KCNQ3: variants seen among roughly 807,000 people sequenced by gnomAD.
KCNQ3 encodes potassium voltage-gated channel subfamily KQT member 3.
KCNQ3 carries 30 observed loss-of-function variants against 92.5 expected under a neutral mutation model. The ratio of observed to expected loss-of-function variants is 0.32; its 90% CI spans 0.24 to 0.44. KCNQ3 has a LOEUF of 0.44. KCNQ3 is among the 20% of genes least tolerant of loss of function. KCNQ3 has a pLI of 1.00. For missense variants in KCNQ3, 913 were observed against 1,140.3 expected, an observed-to-expected ratio of 0.80 and a Z score of 2.87; for synonymous variants, 450 against 468.8, an observed-to-expected ratio of 0.96 and a Z score of 0.52.
chr8:132,311,969 G>T (rs2130613617), intron 1 of KCNQ3, among the ~76,000 whole-genome samples: 1 of 116,552 alleles, frequency 8.6e-6, no homozygotes, highest in South Asian at 2.8e-4. Context: ...AACAGAAGAG[G>T]AGAGGAGACA....
intron 1 of KCNQ3, among the ~76,000 whole-genome samples, chr8:132,380,471 C>T (rs1295406509): frequency 6.6e-6 from 1 of 152,182 alleles, no homozygotes; most frequent in Non-Finnish European, 1.5e-5. Flanking sequence ...AATTATCATG[C>T]AAAACAGCCC....
chr8:132,464,054 G>A (rs557656125), intron 1 of KCNQ3, among the ~76,000 whole-genome samples: 16 of 152,194 alleles, frequency 1.1e-4, no homozygotes, highest in African/African-American at 3.6e-4. Flanking sequence ...GTGTGGTGGC[G>A]GGCGCCTGTA....
intron 1 of KCNQ3, among the ~76,000 whole-genome samples, chr8:132,291,135 G>A (rs1311493451): frequency 6.6e-6 from 1 of 152,124 alleles, no homozygotes; most frequent in African/African-American, 2.4e-5. Context: ...GGGAGGAAAG[G>A]GAGACAGCAA....
intron 1 of KCNQ3, chr8:132,278,334 G>A: frequency 2.3e-6 from 1 of 430,424 alleles, no homozygotes; most frequent in Non-Finnish European, 3.1e-6. Flanking sequence ...TGAAAAGAAA[G>A]AAACAAGATT....
chr8:132,413,503 C>G (rs1005069428), intron 1 of KCNQ3, among the ~76,000 whole-genome samples: 1 of 152,204 alleles, frequency 6.6e-6, no homozygotes, highest in Admixed American at 6.5e-5. Context: ...AGCACACACA[C>G]CACTTTGAGT....
intron 1 of KCNQ3, among the ~76,000 whole-genome samples, chr8:132,329,030 T>C (rs1818150704): frequency 1.3e-5 from 2 of 152,184 alleles, no homozygotes; most frequent in Admixed American, 6.5e-5. Context: ...GCCTACTAAG[T>C]GCCAGGCATT....
intron 1 of KCNQ3, among the ~76,000 whole-genome samples, chr8:132,440,884 T>C (rs1821519796): frequency 1.3e-5 from 2 of 152,180 alleles, no homozygotes; most frequent in Admixed American, 6.5e-5. Flanking sequence ...TCAGGGACCA[T>C]GAGTGACCTT....
intron 1 of KCNQ3, among the ~76,000 whole-genome samples, chr8:132,296,586 G>C (rs1157112704): frequency 4.7e-5 from 7 of 148,476 alleles, no homozygotes; most frequent in African/African-American, 7.5e-5. Context: ...TCCCCTTCCT[G>C]TGTCCATGTG....
Position 132,325,332 on chromosome 8 carries a change from G to A in KCNQ3, c.387-139151C>T, listed in dbSNP as rs762121713. On this transcript the variant is annotated intron_variant, in intron 1 of 14. Coordinates refer to ENST00000388996, the MANE Select transcript of KCNQ3 (RefSeq NM_004519.4). ...CCGTCCAGGGTCTAATATAGGCTTG[G>A]GGCATTTGTCAAGACCTTTCCATTT... Among the ~76,000 whole-genome samples, 9 of 152,214 alleles carry A rather than the reference G, an allele frequency of 5.9e-5. No individual in the cohort carries two copies. The South Asian group carries it at 8.3e-4, about 14-fold the overall frequency.
At chr8:132,221,088 T>C (rs892444353) in intron 1 of KCNQ3, among the ~76,000 whole-genome samples, 13 of 152,320 alleles carry the variant, frequency 8.5e-5, no homozygotes, top group African/African-American at 2.9e-4. Context: ...GTCCTTGTGA[T>C]AGTTTGCTCA....
At chr8:132,169,184 T>C (rs1412485924) in intron 8 of KCNQ3, among the ~76,000 whole-genome samples, 1 of 152,158 alleles carries the variant, frequency 6.6e-6, no homozygotes. Context: ...GTGTGGACTC[T>C]GGGCCACTGG....
intron 1 of KCNQ3, among the ~76,000 whole-genome samples, chr8:132,444,325 C>T (rs1331014155): frequency 6.6e-6 from 1 of 152,194 alleles, no homozygotes; most frequent in Non-Finnish European, 1.5e-5. Flanking sequence ...TCTGTTTCTG[C>T]ACTTTGAGTT....
chr8:132,197,804 G>A (rs1372604351), intron 1 of KCNQ3, among the ~76,000 whole-genome samples: 3 of 152,160 alleles, frequency 2.0e-5, no homozygotes, highest in East Asian at 1.9e-4. Flanking sequence ...AAAGTTTCAT[G>A]CCAGGGTAAT....
At chr8:132,200,213 G>T (rs1017629105) in intron 1 of KCNQ3, among the ~76,000 whole-genome samples, 5 of 152,076 alleles carry the variant, frequency 3.3e-5, no homozygotes. Flanking sequence ...ATCCACAAAG[G>T]TATAAAATAG....
At chr8:132,412,235 G>A (rs970898406) in intron 1 of KCNQ3, among the ~76,000 whole-genome samples, 3 of 152,136 alleles carry the variant, frequency 2.0e-5, no homozygotes, top group Admixed American at 2.0e-4. Context: ...ATCACCAAGG[G>A]CAGTGATTAA....
At chr8:132,268,587 G>C (rs1178308158) in intron 1 of KCNQ3, among the ~76,000 whole-genome samples, 1 of 152,174 alleles carries the variant, frequency 6.6e-6, no homozygotes, top group African/African-American at 2.4e-5. Context: ...CTAATTAGTA[G>C]TACATTGTCT....
rs1400864984 is a variant in KCNQ3, at chr8:132,481,072, C to G, written c.-540G>C. 6.5e-6 allele frequency: 1 copy of G among 152,956 alleles called. No homozygotes were observed. Among genetic ancestry groups the G allele is most frequent in the Non-Finnish European group, 1.5e-5 (1 of 68,340 alleles). 9.5% of individuals were successfully genotyped at this position (152,956 alleles called of 1,614,324 possible). The stretch of plus-strand genomic sequence containing the variant: ...GCCTGTCAGCAGCAGCAGCAGCGAG[C>G]GCGCCGCGGGCCGAGAGCACGCCGC... On this transcript the variant is annotated 5_prime_UTR_variant, in exon 1 of 15. Transcript: ENST00000388996.
chr8:132,458,905 A>G (rs1822002579), intron 1 of KCNQ3, among the ~76,000 whole-genome samples: 1 of 152,220 alleles, frequency 6.6e-6, no homozygotes, highest in African/African-American at 2.4e-5. Context: ...TTTATTAACT[A>G]AAGTCCATAC....
chr8:132,198,763 T>C (rs1353891710), intron 1 of KCNQ3, among the ~76,000 whole-genome samples: 3 of 152,118 alleles, frequency 2.0e-5, no homozygotes, highest in Non-Finnish European at 4.4e-5. Flanking sequence ...GCCGAGATCA[T>C]GCCACTGCAC....
Sources: allele counts gnomAD v4.1 joint callset (sites outside exome capture counted in the v4.1 genomes callset), GRCh38; gene constraint gnomAD v4.1.1; transcripts MANE v1.5; gene names NCBI Gene and HGNC (gene_info 2026-07-23, HGNC 2026-07-21).